Variants in UNC13B observed in about 807,000 individuals in gnomAD.
UNC13B encodes protein unc-13 homolog B.
Under a neutral mutation model 211.0 loss-of-function variants are expected in UNC13B, and 144 were observed. The observed-to-expected ratio is 0.68, with a 90% CI of 0.60 to 0.78. The LOEUF (loss-of-function observed/expected upper bound fraction) is 0.78. Among genes scored for constraint, UNC13B ranks in the 30% least tolerant of loss-of-function variants. The pLI is 0.00. For missense variants in UNC13B, 1,777 were observed against 2,002.0 expected, an observed-to-expected ratio of 0.89 and a Z score of 2.14; for synonymous variants, 709 against 725.8, an observed-to-expected ratio of 0.98 and a Z score of 0.37.
chr9:35,342,151 G>A (rs1472022758), intron 11 of UNC13B: 1 of 985,280 alleles, frequency 1.0e-6, no homozygotes, highest in African/African-American at 1.7e-5. Context: ...TAGCTCCTTG[G>A]GTCTGTTTGT....
At chr9:35,189,495 A>AT (rs1462743534) in intron 1 of UNC13B, among the ~76,000 whole-genome samples, 1 of 152,210 alleles carries the variant, frequency 6.6e-6, no homozygotes, top group African/African-American at 2.4e-5. Context: ...CATTTTACCA[A>AT]TTCTTCAGAC....
rs762283671 is a variant in UNC13B, at chr9:35,236,616, A to G, written c.270+30A>G. 8 of 1,589,854 alleles carry G rather than the reference A, an allele frequency of 5.0e-6. No homozygotes were observed. The East Asian group carries it at 1.6e-4, about 31-fold the overall frequency. On this transcript the variant is annotated intron_variant, in intron 4 of 39. Coordinates refer to ENST00000635942, the MANE Select transcript of UNC13B (RefSeq NM_001371189.2). ...GTCATTGCATTTTCTGTTTGGAAGT[A>G]TGGTTCCCAGCCCATGCTTCTCCCC...
At chr9:35,224,008 T>C (rs770267468) in intron 1 of UNC13B, among the ~76,000 whole-genome samples, 1 of 152,200 alleles carries the variant, frequency 6.6e-6, no homozygotes, top group Non-Finnish European at 1.5e-5. Flanking sequence ...CATTGGCTTG[T>C]GTCTCAGTTT....
intron 1 of UNC13B, among the ~76,000 whole-genome samples, chr9:35,194,772 C>A (rs1822846408): frequency 1.3e-5 from 2 of 152,244 alleles, no homozygotes; most frequent in Admixed American, 6.5e-5. Context: ...ACATGATTGG[C>A]TATGTTGTCT....
Position 35,381,583 on chromosome 9 carries a change from C to T in UNC13B, c.10519C>T (p.Gln3507Ter). 1 of 1,614,086 alleles carries T rather than the reference C, an allele frequency of 6.2e-7. No homozygotes were observed. The highest frequency in any genetic ancestry group is 2.2e-5 in the East Asian group (1 of 44,888). ...TCTTTTCCATTACCTCACAGACATT[C>T]AGGGCAGTGGAGGAGTCCGCATCCC... The part of the protein sequence containing the change: ...ENLFHYLTDI[Q>*]GSGGVRIPEA... The change falls in exon 20 of 40, where the codon CAG becomes TAG. Residue 3507 changes from glutamine to a stop codon, truncating the protein, a stop_gained. Transcript: ENST00000635942. LOFTEE classifies it high-confidence loss of function.
intron 11 of UNC13B, among the ~76,000 whole-genome samples, chr9:35,343,941 G>C (rs906275441): frequency 6.6e-6 from 1 of 151,068 alleles, no homozygotes. Flanking sequence ...TAATACTTTG[G>C]CTATTGGGTT....
intron 26 of UNC13B, 127 bp downstream of exon 26, chr9:35,390,841 T>C: frequency 3.1e-6 from 3 of 963,812 alleles, no homozygotes; most frequent in African/African-American, 1.7e-5. Context: ...AAAGGAATTC[T>C]AGGCCTAGTG....
chr9:35,344,037 A>G (rs1163406683), intron 11 of UNC13B, among the ~76,000 whole-genome samples: 2 of 152,242 alleles, frequency 1.3e-5, no homozygotes, highest in Admixed American at 6.5e-5. Flanking sequence ...GGTTCACATT[A>G]TATTTCTGTT....
At chr9:35,183,127 G>A (rs1392612628) in intron 1 of UNC13B, among the ~76,000 whole-genome samples, 28 of 142,450 alleles carry the variant, frequency 2.0e-4, no homozygotes, top group African/African-American at 6.9e-4. Context: ...CCTCCCAGAC[G>A]GGGTGGCCGG....
chr9:35,372,444 T>TG (rs1169081627), intron 13 of UNC13B, among the ~76,000 whole-genome samples: 2 of 151,850 alleles, frequency 1.3e-5, no homozygotes, highest in South Asian at 2.1e-4. Context: ...GGCAGATACA[T>TG]GGGCCCTGTG....
intron 26 of UNC13B, among the ~76,000 whole-genome samples, chr9:35,391,823 A>G (rs974818695): frequency 2.6e-5 from 4 of 152,226 alleles, no homozygotes; most frequent in Non-Finnish European, 4.4e-5. Flanking sequence ...GAAGTATCTT[A>G]GGAGCTAAGT....
intron 21 of UNC13B, 93 bp from the exon 22 acceptor site, chr9:35,384,153 A>G: frequency 1.3e-6 from 2 of 1,564,064 alleles, no homozygotes; most frequent in Non-Finnish European, 1.7e-6. Flanking sequence ...GACTCTTTCT[A>G]CTCATCCAGG....
intron 1 of UNC13B, among the ~76,000 whole-genome samples, chr9:35,217,731 A>G (rs1386854204): frequency 6.6e-6 from 1 of 152,104 alleles, no homozygotes; most frequent in African/African-American, 2.4e-5. Context: ...AGGCAGTCCT[A>G]TTCTATGCAA....
intron 5 of UNC13B, among the ~76,000 whole-genome samples, chr9:35,238,794 A>G (rs1443208967): frequency 6.6e-6 from 1 of 151,956 alleles, no homozygotes; most frequent in East Asian, 1.9e-4. Context: ...CTGACCTCAA[A>G]CGATCCGCCC....
rs139787576 is a variant in UNC13B at position 35,277,239 on chromosome 9, A to G, written c.526+18189A>G. On this transcript the variant is annotated intron_variant, in intron 7 of 39. Transcript: ENST00000635942. ...ATTGAATAAGAGTGTAATTTGCAGT[A>G]TTTTCTGGAAGATGGCATCCTTTTT... Among the ~76,000 whole-genome samples the G allele has an allele frequency of 3.2e-3, 492 of 152,234 alleles. 2 individuals carry two copies. The highest frequency in any genetic ancestry group is 5.5e-3 in the Non-Finnish European group (373 of 68,016).
At chr9:35,198,769 A>T (rs1157229242) in intron 1 of UNC13B, among the ~76,000 whole-genome samples, 1 of 152,134 alleles carries the variant, frequency 6.6e-6, no homozygotes, top group Non-Finnish European at 1.5e-5. Flanking sequence ...GAGATGAGGA[A>T]CTTACTGGGA....
chr9:35,174,156 G>C (rs111263349), intron 1 of UNC13B, among the ~76,000 whole-genome samples: 2,483 of 150,836 alleles, frequency 0.016, 53 homozygotes, highest in African/African-American at 0.058. Flanking sequence ...CTCTTTTTTT[G>C]AGACAGAATC....
At chr9:35,183,572 C>T (rs1490121006) in intron 1 of UNC13B, among the ~76,000 whole-genome samples, 1 of 147,436 alleles carries the variant, frequency 6.8e-6, no homozygotes, top group African/African-American at 2.5e-5. Flanking sequence ...CCCCTCACCT[C>T]CCAGGCAGGG....
intron 11 of UNC13B, among the ~76,000 whole-genome samples, chr9:35,319,959 C>T (rs1830659230): frequency 6.6e-6 from 1 of 152,112 alleles, no homozygotes; most frequent in African/African-American, 2.4e-5. Flanking sequence ...AGGCCTGGCC[C>T]CTAGCTCCCA....
Sources: allele counts gnomAD v4.1 joint callset (sites outside exome capture counted in the v4.1 genomes callset), GRCh38; gene constraint gnomAD v4.1.1; transcripts MANE v1.5; gene names NCBI Gene and HGNC (gene_info 2026-07-23, HGNC 2026-07-21).